SPATA6: variants seen among roughly 807,000 people sequenced by gnomAD.
SPATA6 encodes the protein spermatogenesis-associated protein 6.
Under a neutral mutation model 65.3 loss-of-function variants are expected in SPATA6, and 56 were observed. That is an observed-to-expected ratio of 0.86 (90% CI 0.69 to 1.07). SPATA6 has a LOEUF of 1.07. Ranked by LOEUF, SPATA6 falls within the 50% of genes least tolerant of loss-of-function variation. SPATA6 has a pLI of 0.00. For synonymous variants in SPATA6, 199 were observed against 213.2 expected (o/e 0.93, Z 0.58); for missense variants, 590 against 594.8 (o/e 0.99, Z 0.08).
chr1:48,363,017 A>G (rs1363944895), intron 9 of SPATA6, among the ~76,000 whole-genome samples: 1 of 152,170 alleles, frequency 6.6e-6, no homozygotes, highest in African/African-American at 2.4e-5. Context: ...AAAAAAAGTT[A>G]CAATACAGAA....
chr1:48,293,966 C>T (rs1007566064), downstream of SPATA6, among the ~76,000 whole-genome samples: 1 of 152,212 alleles, frequency 6.6e-6, no homozygotes, highest in African/African-American at 2.4e-5. Context: ...TATAATTAAA[C>T]TCAAAGTATA....
At chr1:48,372,168 G>A (rs1647352567) in intron 9 of SPATA6, among the ~76,000 whole-genome samples, 2 of 152,098 alleles carry the variant, frequency 1.3e-5, no homozygotes, top group African/African-American at 2.4e-5. Context: ...AAAGTCCACA[G>A]TCCAAAGTCT....
chr1:48,434,278 A>AAC (rs57095082), intron 3 of SPATA6, among the ~76,000 whole-genome samples: 1 of 149,734 alleles, frequency 6.7e-6, no homozygotes, highest in African/African-American at 2.4e-5. Flanking sequence ...AAAAAAAAAA[A>AAC]CAGGAAAAAT....
chr1:48,274,197 T>C, the SPATA6 span, among the ~76,000 whole-genome samples: 1 of 152,220 alleles, frequency 6.6e-6, no homozygotes, highest in Non-Finnish European at 1.5e-5. Context: ...GGGTTTTGTT[T>C]TTTTCTTGTA....
rs1657030963 is a variant in SPATA6, at chr1:48,456,673, A to C, written c.52-3542T>G. On this transcript the variant is annotated intron_variant, in intron 1 of 12. Coordinates refer to ENST00000371847, the MANE Select transcript of SPATA6 (RefSeq NM_019073.4). ...TCTCATCAAATAAGAAATATCAATA[A>C]AGAGATAAAAATTTTTAACAGAACC... Among the ~76,000 whole-genome samples, 3 of 152,200 alleles carry C rather than the reference A, an allele frequency of 2.0e-5. No homozygotes were observed. In the South Asian group the frequency reaches 6.2e-4, roughly 31 times the overall value.
chr1:48,454,533 G>A (rs117605636), intron 1 of SPATA6, among the ~76,000 whole-genome samples: 2 of 152,258 alleles, frequency 1.3e-5, no homozygotes, highest in East Asian at 3.9e-4. Flanking sequence ...ATGCAAGTAA[G>A]TATGTCTTAA....
intron 10 of SPATA6, among the ~76,000 whole-genome samples, chr1:48,357,764 A>G (rs1278668468): frequency 6.6e-6 from 1 of 152,184 alleles, no homozygotes; most frequent in Non-Finnish European, 1.5e-5. Flanking sequence ...TCCCAGTAGT[A>G]CGTCTTAGAC....
chr1:48,288,652 CTG>C, the SPATA6 span, among the ~76,000 whole-genome samples: 2 of 152,224 alleles, frequency 1.3e-5, no homozygotes, highest in Non-Finnish European at 2.9e-5. Context: ...CACCCTAAGA[CTG>C]TGCTTTTCCA....
intron 3 of SPATA6, among the ~76,000 whole-genome samples, chr1:48,415,721 C>G (rs1202568966): frequency 6.9e-6 from 1 of 145,386 alleles, no homozygotes; most frequent in African/African-American, 2.5e-5. Context: ...ATGAGAATAC[C>G]AGAAAGAGAA....
chr1:48,270,469 G>T, the SPATA6 span, among the ~76,000 whole-genome samples: 1 of 151,846 alleles, frequency 6.6e-6, no homozygotes, highest in African/African-American at 2.4e-5. Context: ...GGCAGAGTTG[G>T]GTTTACCTTC....
chr1:48,276,573 C>A, the SPATA6 span, among the ~76,000 whole-genome samples: 1 of 152,142 alleles, frequency 6.6e-6, no homozygotes, highest in African/African-American at 2.4e-5. Context: ...ATTATTTCTG[C>A]CGTTACGTCC....
rs1056837178 is a variant in SPATA6, at chr1:48,472,188, C to T, written c.-180G>A. On this transcript the variant is annotated 5_prime_UTR_variant, in exon 1 of 13. Transcript: ENST00000371847. ...GCCGGAGAAGCAGCTGAGCGCGGGG[C>T]GCAGACTCGTTGTCATGGCAGCCAG... 7.6e-6 allele frequency: 4 copies of T among 528,910 alleles called. No homozygotes were observed. The highest frequency in any genetic ancestry group is 1.3e-5 in the Non-Finnish European group (4 of 307,124). The allele number at this position is 528,910 out of a possible 1,614,324, so 32.8% of individuals were successfully genotyped here. A position where few individuals can be genotyped will look rare whatever the true frequency, so the allele number is the denominator to read the frequency against.
At chr1:48,362,773 A>C (rs1421481128) in intron 9 of SPATA6, among the ~76,000 whole-genome samples, 1 of 152,182 alleles carries the variant, frequency 6.6e-6, no homozygotes, top group African/African-American at 2.4e-5. Context: ...AAAGCCATTC[A>C]GAATAGGAAA....
the SPATA6 span, among the ~76,000 whole-genome samples, chr1:48,290,352 C>T: frequency 1.3e-5 from 2 of 152,120 alleles, no homozygotes; most frequent in Admixed American, 6.5e-5. Context: ...GAAGGAAGCA[C>T]TAAACATCGA....
At chr1:48,382,365 C>T (rs1648756121) in intron 9 of SPATA6, among the ~76,000 whole-genome samples, 2 of 97,986 alleles carry the variant, frequency 2.0e-5, no homozygotes, top group Admixed American at 9.1e-5. Context: ...CCGGACGGGG[C>T]GGCTGGCCAG....
the SPATA6 span, among the ~76,000 whole-genome samples, chr1:48,277,927 C>A: frequency 1.3e-5 from 2 of 152,230 alleles, no homozygotes; most frequent in Non-Finnish European, 2.9e-5. Context: ...CTGGGAGGCA[C>A]CCCTCAGTAG....
intron 9 of SPATA6, among the ~76,000 whole-genome samples, chr1:48,368,330 G>C (rs544026572): frequency 6.6e-6 from 1 of 152,252 alleles, no homozygotes; most frequent in South Asian, 2.1e-4. Context: ...TCCTGAATCT[G>C]AATGTTGGTC....
At chr1:48,464,927 T>C (rs1389064424) in intron 1 of SPATA6, among the ~76,000 whole-genome samples, 1 of 152,118 alleles carries the variant, frequency 6.6e-6, no homozygotes, top group Non-Finnish European at 1.5e-5. Flanking sequence ...GCAATAAATA[T>C]ATACAAGTTT....
the SPATA6 span, among the ~76,000 whole-genome samples, chr1:48,267,739 C>T: frequency 1.1e-3 from 165 of 144,732 alleles, no homozygotes; most frequent in South Asian, 9.2e-3. Flanking sequence ...AGTCTGTGAC[C>T]ACTAGGGTCT....
Sources: gnomAD v4.1 joint callset for allele counts (sites outside exome capture counted in the v4.1 genomes callset) on GRCh38, gnomAD v4.1.1 for gene constraint, MANE v1.5 for transcripts, NCBI Gene and HGNC (gene_info 2026-07-23, HGNC 2026-07-21) for gene names.